Variants in HSPG2 observed in about 807,000 individuals in gnomAD.
HSPG2 encodes the protein heparan sulfate proteoglycan 2.
Under a neutral mutation model 526.6 loss-of-function variants are expected in HSPG2, and 278 were observed. That is an observed-to-expected ratio of 0.53 (90% CI 0.48 to 0.58). HSPG2 has a LOEUF of 0.58. HSPG2 is among the 20% of genes least tolerant of loss of function. HSPG2 has a pLI of 0.00. For missense variants in HSPG2, 5,354 were observed against 6,099.5 expected (o/e 0.88, Z 4.07); for synonymous variants, 2,465 against 2,555.4 (o/e 0.96, Z 1.07).
intron 75 of HSPG2, among the ~76,000 whole-genome samples, chr1:21,835,983 CAAA>C (rs71569851): frequency 7.9e-5 from 6 of 75,798 alleles, no homozygotes; most frequent in Admixed American, 1.6e-4. Flanking sequence ...GATTCCATCT[CAAA>C]AAAAAAAAAA....
chr1:21,879,274 G>A (rs1192291957), intron 17 of HSPG2, among the ~76,000 whole-genome samples, 153 bp from the exon 18 acceptor site: 1 of 152,202 alleles, frequency 6.6e-6, no homozygotes, highest in Non-Finnish European at 1.5e-5. Context: ...ACTTATAGAT[G>A]ATGGGGAGCT....
chr1:21,865,055 C>A lies in HSPG2; in HGVS notation c.4414G>T (p.Asp1472Tyr), dbSNP rs776806867. The change falls in exon 36 of 97, where the codon GAT (aspartate) becomes TAT (tyrosine). Residue 1472 changes from aspartate to tyrosine, a missense_variant. Coordinates refer to ENST00000374695, the MANE Select transcript of HSPG2 (RefSeq NM_005529.7). The surrounding 1 kb of genome is among the most constrained non-coding windows in gnomAD (Gnocchi z 5.4). ...MFREEFWRRP[D>Y]GQPATREHLL... Reference sequence around the variant, plus strand: ...TGCTCGCGTGTGGCCGGCTGCCCATCGGGCCGGCGCCAGAATTCCTGGGTT... The same window carrying A: ...TGCTCGCGTGTGGCCGGCTGCCCATAGGGCCGGCGCCAGAATTCCTGGGTT... The A allele has an allele frequency of 1.3e-6, 2 of 1,564,218 alleles. No individual in the cohort carries two copies. Among genetic ancestry groups the A allele is most frequent in the Non-Finnish European group, 8.6e-7 (1 of 1,157,818 alleles).
At position 21,937,279 on chromosome 1, in the gene HSPG2, A is replaced by C; in HGVS notation, c.-62T>G. The C allele has an allele frequency of 1.8e-6, 1 of 553,422 alleles. No homozygotes were observed. Among genetic ancestry groups the C allele is most frequent in the Non-Finnish European group, 2.1e-6 (1 of 466,000 alleles). The allele number at this position is 553,422 out of a possible 1,614,324, so 34.3% of individuals were successfully genotyped here. Reference sequence around the variant, plus strand: ...GCGCCGCCCGCTCCGCGCCGCCCGCAGCCGCCCGCTCGCCGGCCAGCTCGG... The same window carrying C: ...GCGCCGCCCGCTCCGCGCCGCCCGCCGCCGCCCGCTCGCCGGCCAGCTCGG... On this transcript the variant is annotated 5_prime_UTR_variant, in exon 1 of 97. Coordinates refer to ENST00000374695, the MANE Select transcript of HSPG2 (RefSeq NM_005529.7).
intron 1 of HSPG2, among the ~76,000 whole-genome samples, chr1:21,920,951 G>T (rs551254915): frequency 6.6e-6 from 1 of 151,992 alleles, no homozygotes; most frequent in African/African-American, 2.4e-5. Flanking sequence ...CTCCTCCCCC[G>T]GGCAGATCTT....
intron 1 of HSPG2, among the ~76,000 whole-genome samples, chr1:21,914,650 C>A (rs536083055): frequency 1.3e-5 from 2 of 152,178 alleles, no homozygotes; most frequent in Non-Finnish European, 2.9e-5. Flanking sequence ...CTCAGACCAG[C>A]TGCAGCTCCT....
In HSPG2 at chr1:21,828,041, C is replaced by T. The variant is rs377610859; in HGVS notation, c.12521G>A (p.Arg4174His). Residue 4174 changes from arginine to histidine, a missense_variant, in exon 90 of 97, where the codon CGC (arginine) becomes CAC (histidine). By Grantham distance (29) the Arg-to-His change is conservative (BLOSUM62 0). Coordinates refer to ENST00000374695, the MANE Select transcript of HSPG2 (RefSeq NM_005529.7). This position sits in a 1 kb window ranked among gnomAD's most constrained non-coding sequence, Gnocchi z 6.0. Reference protein sequence around the residue: ...CLCLPGFSGPRCQQGSGHGIA... With the variant: ...CLCLPGFSGPHCQQGSGHGIA... ...CCAGGCCTGGGTACCTTGTTGGCAG[C>T]GTGGGCCAGAGAAGCCAGGGAGGCA... The T allele has an allele frequency of 6.8e-6, 11 of 1,613,434 alleles. No individual in the cohort carries two copies. In the African/African-American group the frequency reaches 8.0e-5, roughly 12 times the overall value.
At position 21,872,491 on chromosome 1, in the gene HSPG2, C is replaced by G; in HGVS notation, c.4030-114G>C. On this transcript the variant is annotated intron_variant, in intron 32 of 96. Transcript: ENST00000374695. This position sits in a 1 kb window ranked among gnomAD's most constrained non-coding sequence, Gnocchi z 5.5. Reference sequence around the variant, plus strand: ...TGGGGTCCTGTTGAGATCAGGACTGCGAGAGAAATAATGGGGGCATGTGAG... The same window carrying G: ...TGGGGTCCTGTTGAGATCAGGACTGGGAGAGAAATAATGGGGGCATGTGAG... The G allele has an allele frequency of 7.1e-7, 1 of 1,412,838 alleles. No individual in the cohort carries two copies. 87.5% of individuals were successfully genotyped at this position (1,412,838 alleles called of 1,614,324 possible). A position where few individuals can be genotyped will look rare whatever the true frequency, so the allele number is the denominator to read the frequency against.
At chr1:21,834,558 A>C (rs1215921567) in intron 77 of HSPG2, 121 bp downstream of exon 77, 8 of 1,238,546 alleles carry the variant, frequency 6.5e-6, no homozygotes, top group Non-Finnish European at 9.1e-6. Context: ...TTAAACACAC[A>C]CAATGGAAAA....
chr1:21,845,405 G>A (rs1470626055), intron 64 of HSPG2, among the ~76,000 whole-genome samples: 2 of 152,172 alleles, frequency 1.3e-5, no homozygotes, highest in East Asian at 1.9e-4. Flanking sequence ...TGGAGACAGA[G>A]TCTCACTTTG....
rs3767140 is a variant in HSPG2, at chr1:21,888,152, C to A, written c.575-86G>T. 375,689 of 1,573,620 alleles carry A rather than the reference C, an allele frequency of 0.24. 49,129 individuals are homozygous for A. The highest frequency in any genetic ancestry group is 0.56 in the East Asian group (24,770 of 44,370). Reference sequence around the variant, plus strand: ...GTAGGTGCTGTGTGGCTGGAGTGGGCTCCAGGGCCCTGTGTCAGGCAGCTC... The same window carrying A: ...GTAGGTGCTGTGTGGCTGGAGTGGGATCCAGGGCCCTGTGTCAGGCAGCTC... On this transcript the variant is annotated intron_variant, in intron 6 of 96. Coordinates refer to ENST00000374695, the MANE Select transcript of HSPG2 (RefSeq NM_005529.7).
At chr1:21,915,047 C>G (rs911081120) in intron 1 of HSPG2, among the ~76,000 whole-genome samples, 9 of 144,842 alleles carry the variant, frequency 6.2e-5, no homozygotes, top group Non-Finnish European at 9.1e-5. Flanking sequence ...TGTTCCTGAC[C>G]AGGCGGAGGG....
chr1:21,869,157 C>T (rs1011395754), intron 33 of HSPG2, among the ~76,000 whole-genome samples: 4 of 152,182 alleles, frequency 2.6e-5, no homozygotes, highest in Admixed American at 6.5e-5. Flanking sequence ...TCTTCCCAAT[C>T]CCGGCCCAGG....
Position 21,824,307 on chromosome 1 carries a change from T to C in HSPG2, c.12814A>G (p.Arg4272Gly). 1 of 1,613,786 alleles carries C rather than the reference T, an allele frequency of 6.2e-7. No homozygotes were observed. The highest frequency in any genetic ancestry group is 8.5e-7 in the Non-Finnish European group (1 of 1,179,970). Reference sequence around the variant, plus strand: ...GAAGGGCCAGGTGCCAGGACCTACCTGAAGACAAGGTGCCCGTCTTGAAGC... The same window carrying C: ...GAAGGGCCAGGTGCCAGGACCTACCCGAAGACAAGGTGCCCGTCTTGAAGC... ...LGLQDGHLVF[R>G]YQLGSGEARL... Residue 4272 changes from arginine to glycine, a missense_variant and splice_region_variant, in exon 94 of 97, where the codon AGG (arginine) becomes GGG (glycine). Physicochemically the swap from Arg to Gly is moderately radical, Grantham distance 125. Transcript: ENST00000374695. The surrounding 1 kb of genome is among the most constrained non-coding windows in gnomAD (Gnocchi z 5.9).
intron 1 of HSPG2, among the ~76,000 whole-genome samples, chr1:21,935,220 A>G (rs936748036): frequency 7.9e-5 from 12 of 152,198 alleles, no homozygotes; most frequent in Non-Finnish European, 1.6e-4. Flanking sequence ...AACTTTTTAA[A>G]AAGAATTTTA....
chr1:21,875,029 T>C, intron 25 of HSPG2, 27 bp from the exon 26 acceptor site: 1 of 1,517,060 alleles, frequency 6.6e-7, no homozygotes, highest in Non-Finnish European at 9.0e-7. Flanking sequence ...CCAGCGTGAA[T>C]AGGAGTGCTG....
rs1266337010 is a variant in HSPG2, at chr1:21,822,260, G to A, written c.*1056C>T. 1.6e-5 allele frequency: 25 copies of A among 1,589,822 alleles called. No homozygotes were observed. Among genetic ancestry groups the A allele is most frequent in the Non-Finnish European group, 2.0e-5 (23 of 1,158,118 alleles). On this transcript the variant is annotated 3_prime_UTR_variant, in exon 97 of 97. Transcript: ENST00000374695. ...GGAGGCCCCTGGCGGGGATAGCACC[G>A]TTTATTAAGAAAAATCAAGACAAAG...
At position 21,921,198 on chromosome 1, in the gene HSPG2, A is replaced by ATAC. The variant is rs572012488; in HGVS notation, c.63+15956_63+15957insGTA. ...CTCAGAAAGGTAAAGTGACTTGCCCAAGGTCATACAGCCCAGAACTGGCAG... is the reference window on the plus strand; with the variant it reads ...CTCAGAAAGGTAAAGTGACTTGCCCATACAGGTCATACAGCCCAGAACTGGCAG... On this transcript the variant is annotated intron_variant, in intron 1 of 96. Coordinates refer to ENST00000374695, the MANE Select transcript of HSPG2 (RefSeq NM_005529.7). Among the ~76,000 whole-genome samples the ATAC allele has an allele frequency of 1.5e-3, 221 of 152,312 alleles. 1 individual carries two copies. The highest frequency in any genetic ancestry group is 0.014 in the Middle Eastern group (4 of 294).
intron 1 of HSPG2, among the ~76,000 whole-genome samples, chr1:21,927,683 C>T (rs913671590): frequency 1.3e-5 from 2 of 152,200 alleles, no homozygotes; most frequent in African/African-American, 4.8e-5. Flanking sequence ...CTTTCCCAGG[C>T]CACACCCTGG....
chr1:21,934,272 G>C (rs1644423554), intron 1 of HSPG2, among the ~76,000 whole-genome samples: 1 of 152,254 alleles, frequency 6.6e-6, no homozygotes. Flanking sequence ...CCAAACTGAA[G>C]GGCAGATGAG....
Sources: gnomAD v4.1 joint callset for allele counts (sites outside exome capture counted in the v4.1 genomes callset) on GRCh38, gnomAD v4.1.1 for gene constraint, Gnocchi (gnomAD v3.1) non-coding constraint, MANE v1.5 for transcripts, NCBI Gene and HGNC (gene_info 2026-07-23, HGNC 2026-07-21) for gene names.